The following NTRK3 variants were observed in gnomAD, a reference collection of about 807,000 sequenced individuals.
NTRK3 encodes the protein neurotrophic receptor tyrosine kinase 3.
Under a neutral mutation model 91.7 loss-of-function variants are expected in NTRK3, and 24 were observed. The observed-to-expected ratio is 0.26, with a 90% confidence interval of 0.19 to 0.37. NTRK3 has a LOEUF of 0.37. Among genes scored for constraint, NTRK3 ranks in the 10% least tolerant of loss-of-function variants. The pLI is 1.00. For synonymous variants in NTRK3, 483 were observed against 404.0 expected (o/e 1.20, Z -2.34); for missense variants, 880 against 1,068.9 (o/e 0.82, Z 2.46).
exon 19 of NTRK3, chr15:87,870,131 G>A (rs2064786459): frequency 5.4e-6 from 1 of 185,048 alleles, no homozygotes; most frequent in Non-Finnish European, 1.1e-5. Context: ...TGCAAAAAGT[G>A]GAATCAACCC....
At position 87,978,935 on chromosome 15, in the gene NTRK3, G is replaced by A. The variant is rs577511742; in HGVS notation, c.1586-38182C>T. The A allele has an allele frequency of 1.5e-5, 5 of 328,058 alleles. No individual in the cohort carries two copies. In the East Asian group the frequency reaches 1.9e-4, roughly 13 times the overall value. The allele number at this position is 328,058 out of a possible 1,614,324, so 20.3% of individuals were successfully genotyped here. A position where few individuals can be genotyped will look rare whatever the true frequency, so the allele number is the denominator to read the frequency against. On this transcript the variant is annotated intron_variant, in intron 14 of 18. Coordinates refer to ENST00000394480, the Ensembl canonical transcript of NTRK3. ...CCTGGGAGAGCCAGGGAGACCCCAC[G>A]CTTCCAAGCAGGGAAAGTGAGGCTG...
intron 17 of NTRK3, among the ~76,000 whole-genome samples, chr15:87,886,036 A>G (rs2065518050): frequency 6.6e-6 from 1 of 152,074 alleles, no homozygotes; most frequent in South Asian, 2.1e-4. Context: ...AGAAAAATGA[A>G]TACAGGGTAA....
intron 14 of NTRK3, among the ~76,000 whole-genome samples, chr15:87,951,371 T>C (rs2071089905): frequency 6.6e-6 from 1 of 152,232 alleles, no homozygotes; most frequent in African/African-American, 2.4e-5. Flanking sequence ...CCTTGCTGCC[T>C]GACTAGAGAG....
At chr15:88,028,247 T>C (rs920306221) in intron 14 of NTRK3, among the ~76,000 whole-genome samples, 4 of 152,156 alleles carry the variant, frequency 2.6e-5, no homozygotes, top group African/African-American at 9.7e-5. Context: ...TCAGCTATGG[T>C]TGGACGTGAG....
intron 18 of NTRK3, among the ~76,000 whole-genome samples, chr15:87,879,095 T>G (rs544120709): frequency 1.1e-3 from 160 of 152,312 alleles, no homozygotes; most frequent in African/African-American, 3.3e-3. Context: ...CAGGCCCCAC[T>G]GAGCTTGTGA....
chr15:88,249,952 C>A (rs2053192412), intron 3 of NTRK3, among the ~76,000 whole-genome samples: 1 of 152,182 alleles, frequency 6.6e-6, no homozygotes, highest in African/African-American at 2.4e-5. Flanking sequence ...TGGGTCATTC[C>A]CGCAATGCTG....
intron 17 of NTRK3, among the ~76,000 whole-genome samples, chr15:87,881,035 A>T: frequency 6.6e-6 from 1 of 152,242 alleles, no homozygotes; most frequent in African/African-American, 2.4e-5. Context: ...AAGATCTCAA[A>T]GGACAGTAGG....
At chr15:88,251,807 C>A (rs1031021623) in intron 3 of NTRK3, among the ~76,000 whole-genome samples, 6 of 152,228 alleles carry the variant, frequency 3.9e-5, no homozygotes, top group African/African-American at 1.4e-4. Flanking sequence ...CTTCTAGGAC[C>A]CTAAGGAACC....
chr15:88,157,157 C>T (rs1242319672), intron 5 of NTRK3, among the ~76,000 whole-genome samples: 3 of 152,136 alleles, frequency 2.0e-5, no homozygotes, highest in African/African-American at 4.8e-5. Flanking sequence ...ACAGCCATTG[C>T]GCAGCCAAGC....
At chr15:88,004,013 G>C (rs1054311991) in intron 14 of NTRK3, among the ~76,000 whole-genome samples, 2 of 152,080 alleles carry the variant, frequency 1.3e-5, no homozygotes, top group African/African-American at 4.8e-5. Context: ...GAAAAGACAG[G>C]ACAATGAGCC....
chr15:88,192,079 A>G (rs6496469), intron 3 of NTRK3, among the ~76,000 whole-genome samples: 39,082 of 152,218 alleles, frequency 0.26, 5,636 homozygotes, highest in African/African-American at 0.38. Flanking sequence ...CATTCAGATC[A>G]TGCAGCAAAC....
chr15:88,173,596 A>T (rs1423921079), intron 5 of NTRK3, among the ~76,000 whole-genome samples: 2 of 152,220 alleles, frequency 1.3e-5, no homozygotes, highest in African/African-American at 2.4e-5. Flanking sequence ...TTGCCCATTC[A>T]CCCAGACCCT....
At chr15:87,885,993 C>T (rs1052936591) in intron 17 of NTRK3, among the ~76,000 whole-genome samples, 3 of 151,974 alleles carry the variant, frequency 2.0e-5, no homozygotes, top group African/African-American at 7.2e-5. Flanking sequence ...ATACAAAGTG[C>T]TCCTTCAAAT....
chr15:88,073,024 AGGTAGCTTGAG>A (rs1434561378), intron 13 of NTRK3: 2 of 194,750 alleles, frequency 1.0e-5, no homozygotes, highest in Admixed American at 6.1e-5. Context: ...AATGGGGCTC[AGGTAGCTTGAG>A]GGTCACGGAG....
intron 18 of NTRK3, among the ~76,000 whole-genome samples, chr15:87,879,494 G>C (rs989959899): frequency 6.6e-6 from 1 of 152,122 alleles, no homozygotes; most frequent in African/African-American, 2.4e-5. Context: ...TCCCTGCTTT[G>C]GAGGCTCTTA....
intron 3 of NTRK3, among the ~76,000 whole-genome samples, chr15:88,222,771 G>T (rs1032115564): frequency 6.6e-6 from 1 of 152,170 alleles, no homozygotes; most frequent in African/African-American, 2.4e-5. Flanking sequence ...TCTGAAGTGT[G>T]GGGTGCCAGG....
intron 17 of NTRK3, among the ~76,000 whole-genome samples, chr15:87,893,571 A>C (rs1005273695): frequency 6.6e-6 from 1 of 152,196 alleles, no homozygotes; most frequent in African/African-American, 2.4e-5. Flanking sequence ...AGTGACTGCA[A>C]CTTTTCTTCA....
exon 19 of NTRK3, chr15:87,866,961 A>C (rs1291162210): frequency 9.2e-6 from 2 of 216,520 alleles, no homozygotes; most frequent in East Asian, 1.4e-4. Context: ...AGAAAAAATG[A>C]AAATTATGTT....
chr15:88,177,813 G>A (rs1388568240), intron 5 of NTRK3, among the ~76,000 whole-genome samples: 1 of 152,204 alleles, frequency 6.6e-6, no homozygotes, highest in Non-Finnish European at 1.5e-5. Flanking sequence ...GTGTTGGGAG[G>A]AAATCTTTAA....
Sources: allele counts gnomAD v4.1 joint callset (sites outside exome capture counted in the v4.1 genomes callset), GRCh38; gene constraint gnomAD v4.1.1; transcripts MANE v1.5; gene names NCBI Gene and HGNC (gene_info 2026-07-23, HGNC 2026-07-21).